CCL25: variants seen among roughly 807,000 people sequenced by gnomAD.
CCL25 encodes the protein C-C motif chemokine ligand 25, also known as C-C motif chemokine 25.
In CCL25, 14 loss-of-function variants were observed where a neutral mutation model predicts 19.9. The observed-to-expected ratio is 0.70, with a 90% CI of 0.47 to 1.10. CCL25 has a LOEUF of 1.10. CCL25 is among the 50% of genes least tolerant of loss of function. The pLI is 0.00. For synonymous variants in CCL25, 68 were observed against 73.2 expected, an observed-to-expected ratio of 0.93 and a Z score of 0.36; for missense variants, 151 against 181.2, an observed-to-expected ratio of 0.83 and a Z score of 0.96.
chr19:8,056,302 G>A (rs2081271772), intron 3 of CCL25, 33 bp downstream of exon 3: 6 of 594,216 alleles, frequency 1.0e-5, no homozygotes, highest in African/African-American at 1.9e-5. Flanking sequence ...GGGGGGTGGG[G>A]TGCACACACA....
Position 8,058,907 on chromosome 19 carries a change from C to G in CCL25, c.445+987C>G, listed in dbSNP as rs989356051. ...TCTCCTGACTTCGTGACCCACCCGCCTTGGCCTCCCAAAGTGCTAAGATTA... is the reference window on the plus strand; with the variant it reads ...TCTCCTGACTTCGTGACCCACCCGCGTTGGCCTCCCAAAGTGCTAAGATTA... On this transcript the variant is annotated intron_variant, in intron 5 of 5. Transcript: ENST00000315626. Among the ~76,000 whole-genome samples the G allele has an allele frequency of 2.9e-5, 4 of 140,012 alleles. No individual in the cohort carries two copies. In the East Asian group the frequency reaches 7.9e-4, roughly 28 times the overall value. The allele number at this position is 140,012 out of a possible 152,430, so 91.9% of individuals were successfully genotyped here. A position where few individuals can be genotyped will look rare whatever the true frequency, so the allele number is the denominator to read the frequency against.
chr19:8,054,075 CA>C, intron 2 of CCL25, among the ~76,000 whole-genome samples: 1 of 152,360 alleles, frequency 6.6e-6, no homozygotes, highest in South Asian at 2.1e-4. Flanking sequence ...CGCCAAAGGA[CA>C]ATTCCTGGGC....
chr19:8,056,123 C>A (rs745578043), intron 2 of CCL25, 29 bp from the exon 3 acceptor site: 4 of 1,433,150 alleles, frequency 2.8e-6, no homozygotes, highest in African/African-American at 2.9e-5. Context: ...TGCAAGGGTG[C>A]GAGTATCTGG....
At position 8,062,313 on chromosome 19, in the gene CCL25, C is replaced by T. The variant is rs1466632940; in HGVS notation, c.*88C>T. On this transcript the variant is annotated 3_prime_UTR_variant, in exon 6 of 6. Coordinates refer to ENST00000315626, the MANE Select transcript of CCL25 (RefSeq NM_005624.4). ...CGCCCTACAGACCCAGCTGTCCCCA[C>T]GCCTCTGTCTTTTGGGTCAAGTCTT... 1.6e-5 allele frequency: 23 copies of T among 1,449,756 alleles called. No homozygotes were observed. The highest frequency in any genetic ancestry group is 2.3e-4 in the Middle Eastern group (1 of 4,262). 89.8% of individuals were successfully genotyped at this position (1,449,756 alleles called of 1,614,324 possible). A position where few individuals can be genotyped will look rare whatever the true frequency, so the allele number is the denominator to read the frequency against.
At chr19:8,059,032 AATAT>A (rs2081296227) in intron 5 of CCL25, among the ~76,000 whole-genome samples, 1 of 130,092 alleles carries the variant, frequency 7.7e-6, no homozygotes, top group Non-Finnish European at 1.6e-5. Flanking sequence ...AAATATATGT[AATAT>A]ATAAACATAT....
At chr19:8,061,465 G>A (rs1260804839) in intron 5 of CCL25, among the ~76,000 whole-genome samples, 5 of 152,072 alleles carry the variant, frequency 3.3e-5, no homozygotes, top group Non-Finnish European at 7.4e-5. Flanking sequence ...TTTTTTAGAA[G>A]CTTCATCACA....
chr19:8,061,111 C>T (rs1011689263), intron 5 of CCL25, among the ~76,000 whole-genome samples: 4 of 151,438 alleles, frequency 2.6e-5, no homozygotes, highest in Admixed American at 6.6e-5. Context: ...ATCTCAGCCT[C>T]CTGAGTAGCT....
intron 5 of CCL25, 100 bp from the exon 6 acceptor site, chr19:8,062,117 GT>G (rs1310254379): frequency 8.6e-7 from 1 of 1,157,002 alleles, no homozygotes; most frequent in Admixed American, 1.7e-5. Context: ...ATTCACAAGG[GT>G]TTTAGGAGCT....
Position 8,056,435 on chromosome 19 carries a change from G to C in CCL25, c.261G>C (p.Met87Ile). 6.2e-7 allele frequency: 1 copy of C among 1,614,152 alleles called. No individual in the cohort carries two copies. The highest frequency in any genetic ancestry group is 8.5e-7 in the Non-Finnish European group (1 of 1,180,026). The part of the protein sequence containing the change: ...NPKSREVQRA[M>I]KLLDARNKVF... Reference sequence around the variant, plus strand: ...AAAGCAGGGAGGTGCAGAGAGCCATGAAGCTCCTGGATGCTCGAAATAAGG... The same window carrying C: ...AAAGCAGGGAGGTGCAGAGAGCCATCAAGCTCCTGGATGCTCGAAATAAGG... Residue 87 changes from methionine (M) to isoleucine (I), a missense_variant, in exon 4 of 6, where the codon ATG becomes ATC. By Grantham distance (10) the Met-to-Ile change is conservative. Transcript: ENST00000315626.
Position 8,057,909 on chromosome 19 carries a change from C to T in CCL25, c.434C>T (p.Ser145Leu), listed in dbSNP as rs781062243. ...SSKRNVSLLISANSGL is the reference protein window; with the variant it reads ...SSKRNVSLLILANSGL ...AAGAGGAATGTCTCCCTCCTGATAT[C>T]AGCTAATTCAGGTAAGGACTCTTGG... The change falls in exon 5 of 6, where the codon TCA becomes TTA. Residue 145 changes from serine (S) to leucine (L), a missense_variant. Physicochemically the swap from Ser to Leu is moderately radical, Grantham distance 145. Coordinates refer to ENST00000315626, the MANE Select transcript of CCL25 (RefSeq NM_005624.4). 1 of 1,612,110 alleles carries T rather than the reference C, an allele frequency of 6.2e-7. No individual in the cohort carries two copies. The highest frequency in any genetic ancestry group is 8.5e-7 in the Non-Finnish European group (1 of 1,178,630).
chr19:8,059,513 G>A (rs953907139), intron 5 of CCL25, among the ~76,000 whole-genome samples: 1 of 151,966 alleles, frequency 6.6e-6, no homozygotes, highest in Non-Finnish European at 1.5e-5. Flanking sequence ...TTGTCTATCT[G>A]GAGGTAGTGA....
At position 8,056,263 on chromosome 19, in the gene CCL25, C is replaced by A; in HGVS notation, c.185C>A (p.Ala62Asp). The change falls in exon 3 of 6, where the codon GCT becomes GAT. Residue 62 changes from alanine (A) to aspartate (D), a missense_variant. Physicochemically the swap from Ala to Asp is moderately radical, Grantham distance 126. Coordinates refer to ENST00000315626, the MANE Select transcript of CCL25 (RefSeq NM_005624.4). ...QEVSGSCNLP[A>D]AIFYLPKRHR... ...GTGAGCGGGAGCTGCAATCTGCCTGCTGCGATGTGAGTGGGGCCGTGGGGG... is the reference window on the plus strand; with the variant it reads ...GTGAGCGGGAGCTGCAATCTGCCTGATGCGATGTGAGTGGGGCCGTGGGGG... 1.5e-6 allele frequency: 2 copies of A among 1,323,316 alleles called. No individual in the cohort carries two copies. Among genetic ancestry groups the A allele is most frequent in the Non-Finnish European group, 2.0e-6 (2 of 993,888 alleles). 82.0% of individuals were successfully genotyped at this position (1,323,316 alleles called of 1,614,324 possible).
intron 5 of CCL25, among the ~76,000 whole-genome samples, chr19:8,059,081 TATA>T (rs1430349354): frequency 5.1e-5 from 2 of 39,458 alleles, no homozygotes; most frequent in Non-Finnish European, 1.2e-4. Context: ...ATATAATATA[TATA>T]ATATATATAA....
chr19:8,057,779 A>T (rs1313675208), intron 4 of CCL25, 22 bp from the exon 5 acceptor site: 3 of 1,604,744 alleles, frequency 1.9e-6, no homozygotes, highest in African/African-American at 1.3e-5. Flanking sequence ...GCTCTTGCTT[A>T]TTTCTCTCTC....
Position 8,058,948 on chromosome 19 carries a change from G to A in CCL25, c.445+1028G>A, listed in dbSNP as rs113334399. 8.1e-3 allele frequency among the ~76,000 whole-genome samples: 1,096 copies of A among 135,894 alleles called. 20 individuals carry two copies. The highest frequency in any genetic ancestry group is 0.028 in the African/African-American group (1,030 of 36,506). 89.2% of individuals were successfully genotyped at this position (135,894 alleles called of 152,430 possible). A position where few individuals can be genotyped will look rare whatever the true frequency, so the allele number is the denominator to read the frequency against. On this transcript the variant is annotated intron_variant, in intron 5 of 5. Coordinates refer to ENST00000315626, the MANE Select transcript of CCL25 (RefSeq NM_005624.4). Reference sequence around the variant, plus strand: ...GCTAAGATTACAGGCGTGAGCCACCGCGCCCAGCCTAAATATATAAATATA... The same window carrying A: ...GCTAAGATTACAGGCGTGAGCCACCACGCCCAGCCTAAATATATAAATATA...
At chr19:8,057,758 A>G (rs2081282561) in intron 4 of CCL25, 43 bp from the exon 5 acceptor site, 1 of 1,576,328 alleles carries the variant, frequency 6.3e-7, no homozygotes, top group African/African-American at 1.4e-5. Flanking sequence ...AGCTCAAAGG[A>G]TGATGGCAGA....
At chr19:8,053,159 T>A (rs1452239355) in intron 2 of CCL25, 37 bp downstream of exon 2, 4 of 1,371,738 alleles carry the variant, frequency 2.9e-6, no homozygotes, top group Admixed American at 2.1e-5. Flanking sequence ...CAAGTGCCCC[T>A]CTCCCCATGC....
chr19:8,061,692 G>C (rs558819264), intron 5 of CCL25, among the ~76,000 whole-genome samples: 1 of 151,860 alleles, frequency 6.6e-6, no homozygotes, highest in African/African-American at 2.4e-5. Context: ...AGAATTCAAA[G>C]ACCAAATATT....
At chr19:8,059,144 AATATATAAT>A (rs542886867) in intron 5 of CCL25, among the ~76,000 whole-genome samples, 15,915 of 45,626 alleles carry the variant, frequency 0.35, 1,375 homozygotes, top group Admixed American at 0.39. Flanking sequence ...TATATTATAT[AATATATAAT>A]ATATATAATA....
Sources: allele counts gnomAD v4.1 joint callset (sites outside exome capture counted in the v4.1 genomes callset), GRCh38; gene constraint gnomAD v4.1.1; transcripts MANE v1.5; gene names NCBI Gene and HGNC (gene_info 2026-07-23, HGNC 2026-07-21).